The following ENAH variants were observed in gnomAD, a reference collection of about 807,000 sequenced individuals.
ENAH encodes the protein ENAH actin regulator.
In ENAH, 23 loss-of-function variants were observed where a neutral mutation model predicts 78.7. The ratio of observed to expected loss-of-function variants is 0.29; its 90% CI spans 0.21 to 0.41. The LOEUF (loss-of-function observed/expected upper bound fraction) is 0.41. ENAH is among the 10% of genes least tolerant of loss of function. ENAH has a pLI of 1.00. For synonymous variants in ENAH, 226 were observed against 241.0 expected (o/e 0.94, Z 0.58); for missense variants, 544 against 691.0 (o/e 0.79, Z 2.39).
chr1:225,626,329 G>A (rs1657944566), intron 1 of ENAH, among the ~76,000 whole-genome samples: 1 of 152,224 alleles, frequency 6.6e-6, no homozygotes, highest in Admixed American at 6.5e-5. Context: ...GTTCTACTGA[G>A]GTTAAATGCT....
chr1:225,652,478 A>G (rs1183829653), intron 1 of ENAH: 1 of 939,620 alleles, frequency 1.1e-6, no homozygotes, highest in East Asian at 1.2e-4. Context: ...AGAACGATGA[A>G]GCGAGACCCC....
At position 225,619,729 on chromosome 1, in the gene ENAH, GA is replaced by G. The variant is rs1407890196; in HGVS notation, c.5+32956del. On this transcript the variant is annotated intron_variant, in intron 1 of 13. Coordinates refer to ENST00000366843, the MANE Select transcript of ENAH (RefSeq NM_018212.6). ...ATTTAAAACCCTGAATGGTCTCAGA[GA>G]AATGCTTTTAAAACACAGCTATCAG... Among the ~76,000 whole-genome samples the G allele has an allele frequency of 3.9e-5, 6 of 152,254 alleles. 1 individual carries two copies. Among genetic ancestry groups the G allele is most frequent in the African/African-American group, 1.4e-4 (6 of 41,544 alleles).
chr1:225,603,245 T>A (rs1013334633), intron 1 of ENAH, among the ~76,000 whole-genome samples: 1 of 152,052 alleles, frequency 6.6e-6, no homozygotes, highest in African/African-American at 2.4e-5. Context: ...AATAAATAAT[T>A]AAGCAAATAT....
rs533331945 is a variant in ENAH, at chr1:225,615,163, C to A, written c.5+37523G>T. ...CCCTGCCTGATTCTCCTGCCTCAGC[C>A]TGCGGAGTGCCTGGGATTGCAGGCG... On this transcript the variant is annotated intron_variant, in intron 1 of 13. Transcript: ENST00000366843. 1.4e-3 allele frequency among the ~76,000 whole-genome samples: 206 copies of A among 152,322 alleles called. 1 individual carries two copies. Among genetic ancestry groups the A allele is most frequent in the African/African-American group, 4.9e-3 (204 of 41,576 alleles).
At chr1:225,644,280 ATGGACAACAGTAATTGAT>A (rs1661569854) in intron 1 of ENAH, among the ~76,000 whole-genome samples, 1 of 152,240 alleles carries the variant, frequency 6.6e-6, no homozygotes, top group African/African-American at 2.4e-5. Context: ...GACCAGACAT[ATGGACAACAGTAATTGAT>A]TTATTTTTCT....
chr1:225,512,743 A>G (rs2096387207), intron 8 of ENAH, 29 bp from the exon 9 acceptor site: 4 of 1,612,362 alleles, frequency 2.5e-6, no homozygotes, highest in African/African-American at 2.7e-5. Context: ...CGATTTTTAA[A>G]AATATTATCT....
chr1:225,622,384 T>TA (rs1657144054), intron 1 of ENAH, among the ~76,000 whole-genome samples: 1 of 152,166 alleles, frequency 6.6e-6, no homozygotes, highest in Non-Finnish European at 1.5e-5. Flanking sequence ...GCGCAGGAGT[T>TA]AGAGACCAGA....
rs756422549 is a variant in ENAH, at chr1:225,496,278, C to T, written c.*1497G>A. The T allele has an allele frequency of 1.3e-5, 2 of 152,246 alleles. No homozygotes were observed. Among genetic ancestry groups the T allele is most frequent in the Non-Finnish European group, 2.9e-5 (2 of 68,034 alleles). The allele number at this position is 152,246 out of a possible 1,614,324, so 9.4% of individuals were successfully genotyped here. ...GGCTTCCATATAGACAGCACGTGCG[C>T]GAGAGCACACACACGCAGAGTGGCA... On this transcript the variant is annotated 3_prime_UTR_variant, in exon 14 of 14. Coordinates refer to ENST00000366843, the MANE Select transcript of ENAH (RefSeq NM_018212.6).
In ENAH at chr1:225,528,966, C is replaced by T. The variant is rs531168937; in HGVS notation, c.434+1588G>A. On this transcript the variant is annotated intron_variant, in intron 4 of 13. Transcript: ENST00000366843. ...CAAGACATATAAGGATCTGACTTCT[C>T]AACAACCACTTCTATCACCTGGGGG... Among the ~76,000 whole-genome samples, 132 of 152,134 alleles carry T rather than the reference C, an allele frequency of 8.7e-4. 1 individual carries two copies. The highest frequency in any genetic ancestry group is 3.2e-3 in the African/African-American group (132 of 41,500).
At chr1:225,588,941 C>A (rs1034079775) in intron 1 of ENAH, among the ~76,000 whole-genome samples, 1 of 151,714 alleles carries the variant, frequency 6.6e-6, no homozygotes, top group Non-Finnish European at 1.5e-5. Context: ...ATCGACAAGA[C>A]GATGAATAAA....
intron 1 of ENAH, among the ~76,000 whole-genome samples, chr1:225,599,475 T>C (rs1362279341): frequency 6.6e-6 from 1 of 151,882 alleles, no homozygotes; most frequent in East Asian, 1.9e-4. Flanking sequence ...GTGACTTAAA[T>C]GGTTTGGATG....
At chr1:225,636,793 T>C (rs1347355097) in intron 1 of ENAH, among the ~76,000 whole-genome samples, 2 of 152,202 alleles carry the variant, frequency 1.3e-5, no homozygotes, top group Non-Finnish European at 2.9e-5. Context: ...CAGCATGATA[T>C]AAAGTGTTCA....
intron 5 of ENAH, among the ~76,000 whole-genome samples, chr1:225,518,189 A>G (rs1361929060): frequency 6.6e-6 from 1 of 152,250 alleles, no homozygotes; most frequent in Non-Finnish European, 1.5e-5. Context: ...TTTGAGATTC[A>G]GAAGGGGATG....
intron 10 of ENAH, among the ~76,000 whole-genome samples, chr1:225,510,699 T>TAAA (rs770906084): frequency 5.7e-5 from 6 of 106,020 alleles, no homozygotes; most frequent in Non-Finnish European, 1.2e-4. Context: ...CAGAGGTACT[T>TAAA]AAAAAAAAAA....
intron 1 of ENAH, among the ~76,000 whole-genome samples, chr1:225,642,160 G>A (rs1661187477): frequency 6.7e-6 from 1 of 149,314 alleles, no homozygotes; most frequent in South Asian, 2.1e-4. Context: ...GAAATCGCAT[G>A]ACTGCACACA....
chr1:225,570,878 G>A (rs577379209), intron 1 of ENAH, among the ~76,000 whole-genome samples: 3 of 152,146 alleles, frequency 2.0e-5, no homozygotes, highest in East Asian at 3.9e-4. Flanking sequence ...TAGGAGAATC[G>A]CTTGAACCTG....
chr1:225,615,091 G>A (rs959097781), intron 1 of ENAH, among the ~76,000 whole-genome samples: 11 of 151,936 alleles, frequency 7.2e-5, no homozygotes, highest in Non-Finnish European at 1.0e-4. Flanking sequence ...CTCTGATGCC[G>A]AGCGGAGGCT....
chr1:225,599,455 G>A (rs2096918993), intron 1 of ENAH, among the ~76,000 whole-genome samples: 1 of 152,160 alleles, frequency 6.6e-6, no homozygotes, highest in Non-Finnish European at 1.5e-5. Flanking sequence ...ACACTGCGGA[G>A]TAAAGTGCTG....
chr1:225,565,589 T>A (rs574897120), intron 2 of ENAH, among the ~76,000 whole-genome samples: 1 of 152,340 alleles, frequency 6.6e-6, no homozygotes, highest in African/African-American at 2.4e-5. Flanking sequence ...GTTTGGAATG[T>A]TGTATTAAGA....
Sources: allele counts gnomAD v4.1 joint callset (sites outside exome capture counted in the v4.1 genomes callset), GRCh38; gene constraint gnomAD v4.1.1; transcripts MANE v1.5; gene names NCBI Gene and HGNC (gene_info 2026-07-23, HGNC 2026-07-21).